The following SLC8A1 variants were observed in gnomAD, a reference collection of about 807,000 sequenced individuals.
SLC8A1 encodes solute carrier family 8 member A1.
Under a neutral mutation model 68.3 loss-of-function variants are expected in SLC8A1, and 18 were observed. The observed-to-expected ratio is 0.26, with a 90% CI of 0.18 to 0.39. The LOEUF (loss-of-function observed/expected upper bound fraction) is 0.39, where lower values mean the gene tolerates loss of function less well. Ranked by LOEUF, SLC8A1 falls within the 10% of genes least tolerant of loss-of-function variation. The pLI, the probability that SLC8A1 is intolerant of heterozygous loss-of-function variation, is 1.00. For synonymous variants in SLC8A1, 475 were observed against 415.5 expected, an observed-to-expected ratio of 1.14 and a Z score of -1.74; for missense variants, 985 against 1,156.7, an observed-to-expected ratio of 0.85 and a Z score of 2.15.
intron 7 of SLC8A1, among the ~76,000 whole-genome samples, chr2:40,129,854 C>G (rs1276428446): frequency 2.0e-5 from 3 of 152,164 alleles, no homozygotes; most frequent in Non-Finnish European, 4.4e-5. Flanking sequence ...ATTTTTAGCT[C>G]TCTTCTCTTA....
chr2:40,186,884 T>C (rs944267696), intron 2 of SLC8A1, among the ~76,000 whole-genome samples: 4 of 152,262 alleles, frequency 2.6e-5, no homozygotes, highest in African/African-American at 9.6e-5. Flanking sequence ...CAAATATGGA[T>C]AATGAAATTC....
intron 3 of SLC8A1, 80 bp from the exon 5 acceptor site, chr2:40,174,922 C>T (rs1355674132): frequency 1.2e-5 from 16 of 1,363,274 alleles, no homozygotes; most frequent in Non-Finnish European, 1.7e-5. Context: ...GACTGCCTGA[C>T]AACCCACCCA....
Position 40,430,909 on chromosome 2 carries a change from T to C in SLC8A1, c.-24-605A>G, listed in dbSNP as rs147245169. Among the ~76,000 whole-genome samples, 778 of 152,288 alleles carry C rather than the reference T, an allele frequency of 5.1e-3. 3 individuals carry two copies. The highest frequency in any genetic ancestry group is 0.028 in the South Asian group (133 of 4,826). On this transcript the variant is annotated intron_variant, in intron 1 of 7. Transcript: ENST00000406785. The stretch of plus-strand genomic sequence containing the variant: ...AAATCATGTCCTATTGCTCCACACT[T>C]ACTTGGAAACAAAACTTCAAGCTTG...
intron 1 of SLC8A1, among the ~76,000 whole-genome samples, chr2:40,490,531 G>A (rs1324810552): frequency 6.6e-6 from 1 of 152,106 alleles, no homozygotes; most frequent in Non-Finnish European, 1.5e-5. Flanking sequence ...ACAAAAGTGA[G>A]TGTCCTTTAG....
chr2:40,238,958 A>G (rs2060829601), intron 2 of SLC8A1, among the ~76,000 whole-genome samples: 1 of 151,996 alleles, frequency 6.6e-6, no homozygotes, highest in African/African-American at 2.4e-5. Context: ...TGCACCTGTT[A>G]TTGTTGTCAT....
chr2:40,367,436 T>C (rs1361927261), intron 2 of SLC8A1, among the ~76,000 whole-genome samples: 2 of 152,062 alleles, frequency 1.3e-5, no homozygotes, highest in East Asian at 1.9e-4. Flanking sequence ...ACATCCCTTT[T>C]TTCCCCGACT....
rs542115445 is a variant in SLC8A1 at position 40,135,374 on chromosome 2, G to A, written c.2437+4027C>T. 2.6e-5 allele frequency among the ~76,000 whole-genome samples: 4 copies of A among 152,208 alleles called. No individual in the cohort carries two copies. In the East Asian group the frequency reaches 7.7e-4, roughly 29 times the overall value. Reference sequence around the variant, plus strand: ...AGCTGTGTAGACTAGGATGGTGGTGGTGGAGAGATAGCTAGATGGGCTCAA... The same window carrying A: ...AGCTGTGTAGACTAGGATGGTGGTGATGGAGAGATAGCTAGATGGGCTCAA... On this transcript the variant is annotated intron_variant, in intron 7 of 7. Coordinates refer to ENST00000406785, the Ensembl canonical transcript of SLC8A1.
intron 2 of SLC8A1, among the ~76,000 whole-genome samples, chr2:40,302,031 C>CTCTG (rs1553486170): frequency 6.1e-5 from 8 of 132,228 alleles, no homozygotes; most frequent in East Asian, 2.4e-4. Flanking sequence ...CCGGGCTAAT[C>CTCTG]TGTGTGTGTG....
At chr2:40,420,332 C>T (rs1383768800) in intron 2 of SLC8A1, among the ~76,000 whole-genome samples, 3 of 148,728 alleles carry the variant, frequency 2.0e-5, no homozygotes, top group Admixed American at 6.8e-5. Context: ...TCTTTGCTGT[C>T]ATTAATTTGG....
intron 7 of SLC8A1, among the ~76,000 whole-genome samples, chr2:40,133,713 ACCG>A (rs1558476837): frequency 1.4e-5 from 2 of 142,558 alleles, no homozygotes; most frequent in Admixed American, 7.0e-5. Flanking sequence ...CCCCCCCCCC[ACCG>A]ACTCATCAGT....
At chr2:40,330,822 G>A (rs537099596) in intron 2 of SLC8A1, among the ~76,000 whole-genome samples, 1 of 152,292 alleles carries the variant, frequency 6.6e-6, no homozygotes, top group South Asian at 2.1e-4. Context: ...CTGGAAAAAT[G>A]ACAAATGGCA....
intron 2 of SLC8A1, among the ~76,000 whole-genome samples, chr2:40,193,332 T>C (rs1175707608): frequency 6.6e-6 from 1 of 152,126 alleles, no homozygotes; most frequent in Non-Finnish European, 1.5e-5. Flanking sequence ...GAGTATCCAA[T>C]TTTTGTGACT....
intron 2 of SLC8A1, among the ~76,000 whole-genome samples, chr2:40,274,347 A>G (rs776911488): frequency 1.5e-4 from 23 of 151,974 alleles, no homozygotes; most frequent in Non-Finnish European, 3.1e-4. Flanking sequence ...AAATAATCTA[A>G]TAACAGCAAA....
At chr2:40,325,178 G>T (rs989091535) in intron 2 of SLC8A1, among the ~76,000 whole-genome samples, 6 of 152,020 alleles carry the variant, frequency 3.9e-5, no homozygotes, top group African/African-American at 1.5e-4. Flanking sequence ...TTTATGACCA[G>T]AAAAATAGCA....
At chr2:40,231,083 A>C (rs1313164973) in intron 2 of SLC8A1, among the ~76,000 whole-genome samples, 1 of 152,124 alleles carries the variant, frequency 6.6e-6, no homozygotes, top group Admixed American at 6.6e-5. Flanking sequence ...TAGCTTCTAC[A>C]TTCTCCCTGG....
chr2:40,278,199 A>G (rs1366598213), intron 2 of SLC8A1, among the ~76,000 whole-genome samples: 1 of 152,054 alleles, frequency 6.6e-6, no homozygotes, highest in Admixed American at 6.6e-5. Context: ...GGCTGGGTGC[A>G]GGGGCTCACA....
intron 1 of SLC8A1, among the ~76,000 whole-genome samples, chr2:40,466,373 A>G (rs1703673380): frequency 6.6e-6 from 1 of 152,224 alleles, no homozygotes; most frequent in African/African-American, 2.4e-5. Flanking sequence ...AAGCTGGGGC[A>G]GCAAAGAAGC....
chr2:40,241,266 C>G (rs966177108), intron 2 of SLC8A1, among the ~76,000 whole-genome samples: 1 of 152,140 alleles, frequency 6.6e-6, no homozygotes, highest in East Asian at 1.9e-4. Flanking sequence ...CCAAATACCA[C>G]GTGTTCTCAC....
At chr2:40,287,366 C>A (rs188660089) in intron 2 of SLC8A1, among the ~76,000 whole-genome samples, 2 of 152,204 alleles carry the variant, frequency 1.3e-5, no homozygotes, top group East Asian at 3.9e-4. Context: ...TGGCAGCAGT[C>A]TATACGTGTT....
Sources: allele counts gnomAD v4.1 joint callset (sites outside exome capture counted in the v4.1 genomes callset), GRCh38; gene constraint gnomAD v4.1.1; transcripts MANE v1.5; gene names NCBI Gene and HGNC (gene_info 2026-07-23, HGNC 2026-07-21).